The following KIF13B variants were observed in gnomAD, a reference collection of about 807,000 sequenced individuals.
KIF13B encodes the protein kinesin-like protein KIF13B.
KIF13B carries 127 observed loss-of-function variants against 222.0 expected under a neutral mutation model. That is an observed-to-expected ratio of 0.57 (90% CI 0.50 to 0.66). The LOEUF (loss-of-function observed/expected upper bound fraction) is 0.66. KIF13B is among the 30% of genes least tolerant of loss of function. The pLI, the probability that KIF13B is intolerant of heterozygous loss-of-function variation, is 0.00. For synonymous variants in KIF13B, 976 were observed against 919.0 expected, an observed-to-expected ratio of 1.06 and a Z score of -1.12; for missense variants, 2,173 against 2,379.0, an observed-to-expected ratio of 0.91 and a Z score of 1.80.
intron 10 of KIF13B, among the ~76,000 whole-genome samples, chr8:29,173,798 G>C (rs1406379153): frequency 1.3e-5 from 2 of 151,872 alleles, no homozygotes; most frequent in African/African-American, 4.8e-5. Context: ...ACAAAAATTA[G>C]CCAGGTGTGG....
At chr8:29,127,087 C>G (rs1264567152) in intron 25 of KIF13B, 35 bp downstream of exon 25, 12 of 1,600,762 alleles carry the variant, frequency 7.5e-6, no homozygotes, top group African/African-American at 1.3e-5. Context: ...CTGATTTTGT[C>G]TTTCAAGAAG....
chr8:29,149,368 C>G (rs997917559), intron 15 of KIF13B, among the ~76,000 whole-genome samples: 1 of 152,192 alleles, frequency 6.6e-6, no homozygotes, highest in African/African-American at 2.4e-5. Context: ...GGCAAAGGAT[C>G]TCTGTTAGCT....
In KIF13B at chr8:29,070,825, C is replaced by T. The variant is rs1174175002; in HGVS notation, c.5219-59G>A. 1 of 1,537,910 alleles carries T rather than the reference C, an allele frequency of 6.5e-7. No individual in the cohort carries two copies. The highest frequency in any genetic ancestry group is 1.4e-5 in the African/African-American group (1 of 72,744). On this transcript the variant is annotated intron_variant, in intron 39 of 39. Coordinates refer to ENST00000524189, the MANE Select transcript of KIF13B (RefSeq NM_015254.4). This position sits in a 1 kb window ranked among gnomAD's most constrained non-coding sequence, Gnocchi z 4.1. ...GCCGAGCTGCAGACGGCCCCCTGCA[C>T]CTCCCTTACCTCTGCAGAGGCCATG...
At chr8:29,256,009 C>G (rs1470453821) in intron 1 of KIF13B, among the ~76,000 whole-genome samples, 1 of 152,192 alleles carries the variant, frequency 6.6e-6, no homozygotes, top group East Asian at 1.9e-4. Context: ...CACCTACGTC[C>G]AGTCCCTTCG....
intron 18 of KIF13B, among the ~76,000 whole-genome samples, 182 bp from the exon 19 acceptor site, chr8:29,142,485 C>T (rs192965648): frequency 6.6e-6 from 1 of 152,304 alleles, no homozygotes; most frequent in Non-Finnish European, 1.5e-5. Context: ...CCTTCCTACC[C>T]AAGTGCAATC....
intron 2 of KIF13B, among the ~76,000 whole-genome samples, chr8:29,234,636 T>C (rs1372147536): frequency 8.3e-6 from 1 of 119,972 alleles, no homozygotes; most frequent in African/African-American, 3.3e-5. Flanking sequence ...TGTATACACA[T>C]AAAAATGGTT....
chr8:29,092,568 A>C (rs976819326), intron 37 of KIF13B, among the ~76,000 whole-genome samples, 177 bp downstream of exon 37: 8 of 152,212 alleles, frequency 5.3e-5, no homozygotes, highest in Admixed American at 4.6e-4. Flanking sequence ...CCGTAAGTTT[A>C]AACAGCTCTG....
chr8:29,234,523 T>A (rs1053841757), intron 2 of KIF13B, among the ~76,000 whole-genome samples: 1 of 148,226 alleles, frequency 6.7e-6, no homozygotes, highest in Non-Finnish European at 1.5e-5. Context: ...GGAATGGGGA[T>A]CTCGTATGTA....
At chr8:29,154,138 C>T (rs1012040312) in intron 14 of KIF13B, among the ~76,000 whole-genome samples, 1 of 152,110 alleles carries the variant, frequency 6.6e-6, no homozygotes, top group African/African-American at 2.4e-5. Flanking sequence ...TATCAAAACC[C>T]TGTATCTACA....
intron 11 of KIF13B, among the ~76,000 whole-genome samples, chr8:29,165,984 C>A (rs1339780040): frequency 1.3e-5 from 2 of 150,358 alleles, no homozygotes; most frequent in Non-Finnish European, 2.9e-5. Flanking sequence ...AAAAAGAAGG[C>A]TTTTTCCTTT....
intron 10 of KIF13B, among the ~76,000 whole-genome samples, chr8:29,173,644 T>C (rs1812347428): frequency 6.6e-6 from 1 of 150,880 alleles, no homozygotes; most frequent in Admixed American, 6.6e-5. Context: ...CTTCTTCTAT[T>C]AAAAAAAACA....
chr8:29,109,932 C>T lies in KIF13B; in HGVS notation c.4069G>A (p.Asp1357Asn). 1.2e-6 allele frequency: 2 copies of T among 1,613,662 alleles called. No individual in the cohort carries two copies. Among genetic ancestry groups the T allele is most frequent in the Non-Finnish European group, 1.7e-6 (2 of 1,179,804 alleles). The change falls in exon 33 of 40, where the codon GAT (aspartate) becomes AAT (asparagine). Residue 1357 changes from aspartate to asparagine, a missense_variant. By Grantham distance (23) the Asp-to-Asn change is conservative. This residue lies in a region of KIF13B where 1,480 missense variants were observed against 1,722.8 expected (regional missense o/e 0.86). Transcript: ENST00000524189. The stretch of plus-strand genomic sequence containing the variant: ...GGTTGGCTAACCTGGCGCAGACGAT[C>T]TAAAGTCAGGAGGTTTTCTACAGCC... ...VLAVENLLTL[D>N]RLRQEVAVKE...
chr8:29,101,705 C>A (rs1156667882), intron 35 of KIF13B, among the ~76,000 whole-genome samples: 1 of 152,186 alleles, frequency 6.6e-6, no homozygotes, highest in Non-Finnish European at 1.5e-5. Flanking sequence ...GTCATCTTAA[C>A]CTTGAGGAAC....
At chr8:29,092,083 A>G (rs1278923108) in intron 37 of KIF13B, among the ~76,000 whole-genome samples, 1 of 152,100 alleles carries the variant, frequency 6.6e-6, no homozygotes, top group African/African-American at 2.4e-5. Flanking sequence ...CTTGCCCTGT[A>G]TGTGTTTTTG....
Position 29,224,179 on chromosome 8 carries a change from T to C in KIF13B, c.149+21167A>G, listed in dbSNP as rs1180523768. 4.1e-5 allele frequency among the ~76,000 whole-genome samples: 6 copies of C among 145,364 alleles called. No individual in the cohort carries two copies. In the Admixed American group the frequency reaches 4.1e-4, roughly 10 times the overall value. On this transcript the variant is annotated intron_variant, in intron 2 of 39. Transcript: ENST00000524189. ...GCTAATTTTTGTGTGTGTGTGTATT[T>C]TTTTTAGTAGAGATGGGGTTTCACC...
chr8:29,165,704 C>T lies in KIF13B; in HGVS notation c.1227G>A (p.Val409=). 3 of 1,613,726 alleles carry T rather than the reference C, an allele frequency of 1.9e-6. No individual in the cohort carries two copies. Among genetic ancestry groups the T allele is most frequent in the Non-Finnish European group, 2.5e-6 (3 of 1,179,642 alleles). The change falls in exon 12 of 40, where the codon GTG becomes GTA. Residue 409 remains valine, a synonymous_variant. Coordinates refer to ENST00000524189, the MANE Select transcript of KIF13B (RefSeq NM_015254.4). ...TTTTCCTTAATTTCTCCTCCCAGGTCACAGTCATTTCCTGGATTAGCTTCT... is the reference window on the plus strand; with the variant it reads ...TTTTCCTTAATTTCTCCTCCCAGGTTACAGTCATTTCCTGGATTAGCTTCT... ...ESEKLIQEMT[V]TWEEKLRKTE...
At chr8:29,237,372 C>T (rs1248856424) in intron 2 of KIF13B, among the ~76,000 whole-genome samples, 1 of 151,992 alleles carries the variant, frequency 6.6e-6, no homozygotes, top group Non-Finnish European at 1.5e-5. Flanking sequence ...TGCAATCTGA[C>T]CACTTTATGC....
chr8:29,118,493 T>TA (rs1809706532), intron 30 of KIF13B, among the ~76,000 whole-genome samples: 2 of 152,014 alleles, frequency 1.3e-5, no homozygotes, highest in Non-Finnish European at 2.9e-5. Flanking sequence ...AGACTCCATC[T>TA]AAAAACAAAA....
At chr8:29,209,338 A>G (rs1192287622) in intron 2 of KIF13B, among the ~76,000 whole-genome samples, 1 of 152,150 alleles carries the variant, frequency 6.6e-6, no homozygotes, top group Admixed American at 6.6e-5. Flanking sequence ...ATGTGGACTC[A>G]GCCATATCTC....
Sources: gnomAD v4.1 joint callset for allele counts (sites outside exome capture counted in the v4.1 genomes callset) on GRCh38, gnomAD v4.1.1 for gene constraint, gnomAD v4.1.1 regional missense constraint, Gnocchi (gnomAD v3.1) non-coding constraint, MANE v1.5 for transcripts, NCBI Gene and HGNC (gene_info 2026-07-23, HGNC 2026-07-21) for gene names.